The following GRM5 variants were observed in gnomAD, a reference collection of about 807,000 sequenced individuals.
The protein encoded by GRM5 is metabotropic glutamate receptor 5.
Under a neutral mutation model 83.1 loss-of-function variants are expected in GRM5, and 19 were observed. The ratio of observed to expected loss-of-function variants is 0.23; its 90% CI spans 0.16 to 0.34. GRM5 has a LOEUF of 0.34. GRM5 is among the 10% of genes least tolerant of loss of function. GRM5 has a pLI of 1.00. For synonymous variants in GRM5, 675 were observed against 633.6 expected (o/e 1.07, Z -0.98); for missense variants, 1,160 against 1,588.3 (o/e 0.73, Z 4.58).
intron 2 of GRM5, among the ~76,000 whole-genome samples, chr11:88,898,223 G>A (rs531158670): frequency 6.6e-5 from 10 of 151,778 alleles, no homozygotes; most frequent in African/African-American, 2.4e-4. Context: ...TCTTTTGTAA[G>A]GAAACCAGTT....
At chr11:88,799,992 C>T (rs1195197933) in intron 3 of GRM5, among the ~76,000 whole-genome samples, 1 of 151,962 alleles carries the variant, frequency 6.6e-6, no homozygotes, top group East Asian at 1.9e-4. Flanking sequence ...AAAAGAGAAA[C>T]CAACATCATG....
At chr11:88,897,801 C>T (rs1169314343) in intron 2 of GRM5, among the ~76,000 whole-genome samples, 12 of 151,882 alleles carry the variant, frequency 7.9e-5, no homozygotes, top group Non-Finnish European at 1.0e-4. Context: ...CTTTCCTTTC[C>T]CTTCCACCTT....
intron 2 of GRM5, among the ~76,000 whole-genome samples, chr11:89,046,199 C>T (rs1290276504): frequency 6.6e-6 from 1 of 152,114 alleles, no homozygotes; most frequent in South Asian, 2.1e-4. Flanking sequence ...AAATATATTC[C>T]TAACCTCTGA....
At chr11:89,051,129 A>G (rs1565352515) in intron 1 of GRM5, among the ~76,000 whole-genome samples, 1 of 151,940 alleles carries the variant, frequency 6.6e-6, no homozygotes, top group Non-Finnish European at 1.5e-5. Context: ...TAAAAAAAGA[A>G]AAGATAGTCC....
At chr11:88,944,811 G>A (rs1277223619) in intron 2 of GRM5, among the ~76,000 whole-genome samples, 1 of 151,788 alleles carries the variant, frequency 6.6e-6, no homozygotes, top group Non-Finnish European at 1.5e-5. Context: ...AACAAGACAA[G>A]GATTCCCAGT....
chr11:88,921,140 TA>T (rs529196679), intron 2 of GRM5, among the ~76,000 whole-genome samples: 2 of 151,618 alleles, frequency 1.3e-5, no homozygotes, highest in Admixed American at 6.6e-5. Context: ...ACAATATTGT[TA>T]AAAAAAATCA....
At position 88,746,923 on chromosome 11, in the gene GRM5, C is replaced by T. The variant is rs563147334; in HGVS notation, c.912-93520G>A. 1.2e-4 allele frequency among the ~76,000 whole-genome samples: 18 copies of T among 152,190 alleles called. No homozygotes were observed. The South Asian group carries it at 3.5e-3, about 30-fold the overall frequency. ...AGCATATCGTTTAGACCTTGTGTTT[C>T]TTTCTGAAACTTTCAGGTATACAGA... On this transcript the variant is annotated intron_variant, in intron 3 of 9. Coordinates refer to ENST00000305447, the MANE Select transcript of GRM5 (RefSeq NM_001143831.3).
At chr11:88,543,890 G>A (rs1017584121) in intron 8 of GRM5, among the ~76,000 whole-genome samples, 1 of 152,046 alleles carries the variant, frequency 6.6e-6, no homozygotes, top group African/African-American at 2.4e-5. Context: ...AAAAGTTCAC[G>A]TGTTGAAAAC....
intron 3 of GRM5, among the ~76,000 whole-genome samples, chr11:88,707,056 C>T (rs2135379851): frequency 6.6e-6 from 1 of 152,164 alleles, no homozygotes; most frequent in South Asian, 2.1e-4. Flanking sequence ...CTGCACAACT[C>T]ATTTCTGAGT....
chr11:88,805,665 T>C (rs1943487236), intron 3 of GRM5, among the ~76,000 whole-genome samples: 1 of 152,204 alleles, frequency 6.6e-6, no homozygotes, highest in African/African-American at 2.4e-5. Context: ...AATCAAGCAT[T>C]CTTTTAAAAA....
chr11:88,658,882 T>G (rs1019785768), intron 3 of GRM5, among the ~76,000 whole-genome samples: 4 of 152,144 alleles, frequency 2.6e-5, no homozygotes, highest in African/African-American at 9.7e-5. Flanking sequence ...ATCCTAAAGA[T>G]TTCCAACTTT....
chr11:88,741,224 G>C (rs535269197), intron 3 of GRM5, among the ~76,000 whole-genome samples: 1 of 152,032 alleles, frequency 6.6e-6, no homozygotes, highest in Non-Finnish European at 1.5e-5. Context: ...ATACCATGAA[G>C]ATAATCAGGC....
chr11:89,006,862 A>G (rs1940543104), intron 2 of GRM5, among the ~76,000 whole-genome samples: 1 of 152,196 alleles, frequency 6.6e-6, no homozygotes, highest in African/African-American at 2.4e-5. Context: ...CAGTGGCGCA[A>G]TCTCGGCTCA....
intron 2 of GRM5, among the ~76,000 whole-genome samples, chr11:88,940,315 GTT>G (rs1005215672): frequency 3.8e-5 from 5 of 131,688 alleles, no homozygotes; most frequent in Non-Finnish European, 5.0e-5. Context: ...CAGGTTCATG[GTT>G]TTTTTTTTTT....
chr11:88,910,838 A>G (rs1945483956), intron 2 of GRM5, among the ~76,000 whole-genome samples: 3 of 32,404 alleles, frequency 9.3e-5, no homozygotes, highest in Admixed American at 4.9e-4. Flanking sequence ...CACACAATGT[A>G]GAACGTATTT....
chr11:88,596,434 A>G (rs1229667382), intron 6 of GRM5, among the ~76,000 whole-genome samples: 1 of 152,150 alleles, frequency 6.6e-6, no homozygotes, highest in Admixed American at 6.5e-5. Flanking sequence ...AATTAAGTTC[A>G]ATGTATTTAG....
chr11:88,595,191 C>T (rs753997210), intron 6 of GRM5, among the ~76,000 whole-genome samples: 8 of 152,036 alleles, frequency 5.3e-5, no homozygotes, highest in Non-Finnish European at 1.0e-4. Context: ...ACACATATAA[C>T]GATCAGATCA....
intron 3 of GRM5, among the ~76,000 whole-genome samples, chr11:88,790,550 C>A (rs1431651289): frequency 1.3e-5 from 2 of 151,884 alleles, no homozygotes; most frequent in East Asian, 3.9e-4. Flanking sequence ...TAGAATAGTA[C>A]TAGGAGAGAA....
In GRM5 at chr11:88,703,645, C is replaced by T. The variant is rs143086704; in HGVS notation, c.912-50242G>A. 2.5e-3 allele frequency among the ~76,000 whole-genome samples: 387 copies of T among 152,066 alleles called. 2 individuals carry two copies. Among genetic ancestry groups the T allele is most frequent in the African/African-American group, 8.6e-3 (357 of 41,500 alleles). On this transcript the variant is annotated intron_variant, in intron 3 of 9. Coordinates refer to ENST00000305447, the MANE Select transcript of GRM5 (RefSeq NM_001143831.3). Reference sequence around the variant, plus strand: ...TGAATCATAGGGGCGGTTACCCTCACGATATTCTTGTGATAATCAGTATCT... The same window carrying T: ...TGAATCATAGGGGCGGTTACCCTCATGATATTCTTGTGATAATCAGTATCT...
Sources: gnomAD v4.1 joint callset for allele counts (sites outside exome capture counted in the v4.1 genomes callset) on GRCh38, gnomAD v4.1.1 for gene constraint, MANE v1.5 for transcripts, NCBI Gene and HGNC (gene_info 2026-07-23, HGNC 2026-07-21) for gene names.